Variants in SV2C observed in about 807,000 individuals in gnomAD.
SV2C encodes the protein solute carrier family 22 member B3.
A neutral mutation model predicts 79.7 loss-of-function variants in SV2C; 49 were observed. The observed-to-expected ratio is 0.61, with a 90% CI of 0.49 to 0.78. SV2C has a LOEUF of 0.78. Ranked by LOEUF, SV2C falls within the 30% of genes least tolerant of loss-of-function variation. The pLI is 0.00. For synonymous variants in SV2C, 334 were observed against 333.2 expected (o/e 1.00, Z -0.03); for missense variants, 833 against 912.9 (o/e 0.91, Z 1.13).
chr5:75,858,636 T>G, the SV2C span, among the ~76,000 whole-genome samples: 1 of 152,200 alleles, frequency 6.6e-6, no homozygotes, highest in Non-Finnish European at 1.5e-5. Flanking sequence ...TGGAAGTATT[T>G]TCTCCTCCTC....
the SV2C span, among the ~76,000 whole-genome samples, chr5:75,953,610 C>A: frequency 6.6e-6 from 1 of 151,844 alleles, no homozygotes; most frequent in African/African-American, 2.4e-5. Flanking sequence ...ACCCAGAAGG[C>A]CTTTCCCATA....
At chr5:76,054,343 A>G in the SV2C span, among the ~76,000 whole-genome samples, 133 of 152,278 alleles carry the variant, frequency 8.7e-4, no homozygotes, top group African/African-American at 2.9e-3. Flanking sequence ...TTATGGCTGC[A>G]TAGTATTCAT....
In SV2C at chr5:76,256,410, G is replaced by A. The variant is rs1354851263; in HGVS notation, c.914-28752G>A. ...TGCAAGTGAAAGTCATCAGGGAAGA[G>A]GCTTTTAATAGCGCAGCGTCTGTGT... On this transcript the variant is annotated intron_variant, in intron 4 of 12. Coordinates refer to ENST00000502798, the MANE Select transcript of SV2C (RefSeq NM_014979.4). 2.0e-5 allele frequency among the ~76,000 whole-genome samples: 3 copies of A among 152,182 alleles called. No homozygotes were observed. The East Asian group carries it at 5.8e-4, about 29-fold the overall frequency.
rs368506903 is a variant in SV2C, at chr5:76,114,161, C to T, written c.-101-17489C>T. Among the ~76,000 whole-genome samples, 29 of 152,242 alleles carry T rather than the reference C, an allele frequency of 1.9e-4. No individual in the cohort carries two copies. In the East Asian group the frequency reaches 5.6e-3, roughly 29 times the overall value. Reference sequence around the variant, plus strand: ...TGTGCTCCCATTTAGCTACAGAGCACCGGTGGAGATGTTCAGTAAGTCCCT... The same window carrying T: ...TGTGCTCCCATTTAGCTACAGAGCATCGGTGGAGATGTTCAGTAAGTCCCT... On this transcript the variant is annotated intron_variant, in intron 1 of 12. Coordinates refer to ENST00000502798, the MANE Select transcript of SV2C (RefSeq NM_014979.4).
At chr5:75,920,953 C>A in the SV2C span, 1 of 721,746 alleles carries the variant, frequency 1.4e-6, no homozygotes. Context: ...TGATGATGGC[C>A]CGGCCCCTGA....
intron 4 of SV2C, among the ~76,000 whole-genome samples, chr5:76,254,265 G>GAA (rs1746205534): frequency 6.6e-6 from 1 of 151,598 alleles, no homozygotes. Context: ...TATAGAGAGA[G>GAA]AGAGAGAGAT....
At chr5:76,169,216 G>T (rs2112265472) in intron 2 of SV2C, among the ~76,000 whole-genome samples, 1 of 152,342 alleles carries the variant, frequency 6.6e-6, no homozygotes, top group Middle Eastern at 3.4e-3. Context: ...AGCCCAGGAT[G>T]GTCAGCAGTT....
At chr5:76,213,968 T>G (rs534781753) in intron 4 of SV2C, among the ~76,000 whole-genome samples, 1 of 152,310 alleles carries the variant, frequency 6.6e-6, no homozygotes, top group East Asian at 1.9e-4. Flanking sequence ...GTGCAATATT[T>G]GTCTTTTCAT....
the SV2C span, among the ~76,000 whole-genome samples, chr5:75,870,335 C>A: frequency 6.6e-6 from 1 of 151,578 alleles, no homozygotes; most frequent in Non-Finnish European, 1.5e-5. Context: ...AAGAATCAAG[C>A]AGAAATCTGG....
At chr5:76,094,209 C>G (rs1747469650) in intron 1 of SV2C, among the ~76,000 whole-genome samples, 2 of 151,842 alleles carry the variant, frequency 1.3e-5, no homozygotes, top group South Asian at 4.2e-4. Flanking sequence ...AATTTTTTTC[C>G]ACAGAAAACA....
At chr5:76,185,550 C>A (rs993235779) in intron 2 of SV2C, among the ~76,000 whole-genome samples, 2 of 152,234 alleles carry the variant, frequency 1.3e-5, no homozygotes, top group African/African-American at 4.8e-5. Flanking sequence ...TTCTGTGCAT[C>A]CCCAGGCCCA....
At chr5:76,018,799 G>A in the SV2C span, among the ~76,000 whole-genome samples, 4 of 152,162 alleles carry the variant, frequency 2.6e-5, no homozygotes, top group African/African-American at 7.2e-5. Flanking sequence ...AATCCTATGC[G>A]TACATGAACC....
intron 4 of SV2C, among the ~76,000 whole-genome samples, chr5:76,230,757 G>C (rs11749546): frequency 0.43 from 65,406 of 151,190 alleles, 15,128 homozygotes; most frequent in African/African-American, 0.6. Context: ...CCACTGCACT[G>C]CAGCCTGGGT....
At chr5:75,899,060 C>T in the SV2C span, among the ~76,000 whole-genome samples, 2 of 152,208 alleles carry the variant, frequency 1.3e-5, no homozygotes, top group African/African-American at 4.8e-5. Context: ...TTTTGTGTCT[C>T]TATTTCCTTC....
At chr5:76,293,976 G>A (rs573683054) in intron 8 of SV2C, among the ~76,000 whole-genome samples, 1 of 152,288 alleles carries the variant, frequency 6.6e-6, no homozygotes, top group East Asian at 1.9e-4. Context: ...TCCCTGTGTA[G>A]CTAAGTGTCA....
At chr5:76,038,578 C>T in the SV2C span, among the ~76,000 whole-genome samples, 2 of 152,182 alleles carry the variant, frequency 1.3e-5, no homozygotes, top group Non-Finnish European at 2.9e-5. Context: ...GCTTCAGGCA[C>T]ATAATGAGTG....
chr5:75,946,506 A>C, the SV2C span, among the ~76,000 whole-genome samples: 1 of 152,082 alleles, frequency 6.6e-6, no homozygotes, highest in African/African-American at 2.4e-5. Flanking sequence ...AGATCATGCA[A>C]GTCTTCCAAT....
At chr5:76,228,582 G>C (rs897471122) in intron 4 of SV2C, among the ~76,000 whole-genome samples, 2 of 152,108 alleles carry the variant, frequency 1.3e-5, no homozygotes, top group Non-Finnish European at 2.9e-5. Flanking sequence ...TTTTATGTTT[G>C]AGACTGAGGT....
At chr5:76,143,183 C>T (rs904476788) in intron 2 of SV2C, among the ~76,000 whole-genome samples, 2 of 152,122 alleles carry the variant, frequency 1.3e-5, no homozygotes, top group Non-Finnish European at 1.5e-5. Context: ...TGTGAGCCAC[C>T]ACGCCTGGCT....
Sources: allele counts gnomAD v4.1 joint callset (sites outside exome capture counted in the v4.1 genomes callset), GRCh38; gene constraint gnomAD v4.1.1; transcripts MANE v1.5; gene names NCBI Gene and HGNC (gene_info 2026-07-23, HGNC 2026-07-21).